Variants in APBA1 observed in about 807,000 individuals in gnomAD.
The protein encoded by APBA1 is amyloid beta precursor protein binding family A member 1.
APBA1 carries 55 observed loss-of-function variants against 86.6 expected under a neutral mutation model. That is an observed-to-expected ratio of 0.64 (90% CI 0.51 to 0.80). The LOEUF is 0.80. APBA1 is among the 30% of genes least tolerant of loss of function. The pLI is 0.00. For missense variants in APBA1, 1,090 were observed against 1,183.0 expected, an observed-to-expected ratio of 0.92 and a Z score of 1.15; for synonymous variants, 511 against 493.9, an observed-to-expected ratio of 1.03 and a Z score of -0.46.
At chr9:69,576,154 T>C (rs1821792519) in intron 1 of APBA1, among the ~76,000 whole-genome samples, 1 of 152,110 alleles carries the variant, frequency 6.6e-6, no homozygotes, top group African/African-American at 2.4e-5. Context: ...AAAACCACAA[T>C]GAGATACCAT....
At chr9:69,607,708 CA>C (rs1176437350) in intron 1 of APBA1, among the ~76,000 whole-genome samples, 1 of 152,230 alleles carries the variant, frequency 6.6e-6, no homozygotes, top group Admixed American at 6.5e-5. Context: ...GGGCAAAAAC[CA>C]GTCCGTTTGG....
intron 1 of APBA1, among the ~76,000 whole-genome samples, chr9:69,537,397 C>T (rs968323527): frequency 6.6e-6 from 1 of 152,060 alleles, no homozygotes; most frequent in African/African-American, 2.4e-5. Context: ...TCAACCATCA[C>T]AGGTGCACAG....
At chr9:69,656,513 A>G (rs1823614181) in intron 1 of APBA1, among the ~76,000 whole-genome samples, 1 of 152,224 alleles carries the variant, frequency 6.6e-6, no homozygotes, top group South Asian at 2.1e-4. Flanking sequence ...AGAACAGGCA[A>G]AACTGCTCTA....
chr9:69,483,506 G>A (rs1487976013), intron 2 of APBA1, among the ~76,000 whole-genome samples: 1 of 152,034 alleles, frequency 6.6e-6, no homozygotes, highest in African/African-American at 2.4e-5. Context: ...AGACAAGGGG[G>A]AGCTTGGTGA....
At position 69,456,283 on chromosome 9, in the gene APBA1, C is replaced by G. The variant is rs765665436; in HGVS notation, c.1752G>C (p.Gln584His). ...CGAAGACGTGGCAGATCATCTTGTA[C>G]TGCCTTTTCCCATCCTGGGATGGGT... ...ASHPSQDGKR[Q>H]YKMICHVFES... The change falls in exon 8 of 13, where the codon CAG (glutamine) becomes CAC (histidine). Residue 584 changes from glutamine to histidine, a missense_variant. Coordinates refer to ENST00000265381, the MANE Select transcript of APBA1 (RefSeq NM_001163.4). The G allele has an allele frequency of 6.2e-7, 1 of 1,614,124 alleles. No individual in the cohort carries two copies. The highest frequency in any genetic ancestry group is 1.3e-5 in the African/African-American group (1 of 74,940).
chr9:69,566,998 C>T (rs921276529), intron 1 of APBA1, among the ~76,000 whole-genome samples: 3 of 152,086 alleles, frequency 2.0e-5, no homozygotes, highest in Admixed American at 6.6e-5. Context: ...AGATGTGCAA[C>T]AAATATTTCT....
At chr9:69,458,127 C>G (rs1588296089) in intron 6 of APBA1, 29 bp downstream of exon 6, 1 of 1,591,138 alleles carries the variant, frequency 6.3e-7, no homozygotes, top group East Asian at 2.3e-5. Context: ...AGGCATAACA[C>G]CAAGCTGATG....
At chr9:69,636,476 T>A (rs1002848712) in intron 1 of APBA1, among the ~76,000 whole-genome samples, 1 of 152,032 alleles carries the variant, frequency 6.6e-6, no homozygotes, top group African/African-American at 2.4e-5. Flanking sequence ...TTCACAATAG[T>A]CAAGATCTGG....
intron 1 of APBA1, among the ~76,000 whole-genome samples, chr9:69,638,934 A>T (rs756400731): frequency 6.6e-6 from 1 of 152,214 alleles, no homozygotes; most frequent in Non-Finnish European, 1.5e-5. Context: ...ATGAAGTCAC[A>T]TGAAAATAAC....
At chr9:69,464,137 C>T (rs979597201) in intron 5 of APBA1, 1 of 152,534 alleles carries the variant, frequency 6.6e-6, no homozygotes, top group Non-Finnish European at 1.5e-5. Flanking sequence ...CCCAGCTTCC[C>T]TTTGCATTGA....
At position 69,456,295 on chromosome 9, in the gene APBA1, A is replaced by T. The variant is rs1415003843; in HGVS notation, c.1740T>A (p.Asp580Glu). 6.2e-7 allele frequency: 1 copy of T among 1,614,144 alleles called. No individual in the cohort carries two copies. The highest frequency in any genetic ancestry group is 1.7e-5 in the Admixed American group (1 of 60,014). Reference sequence around the variant, plus strand: ...AGATCATCTTGTACTGCCTTTTCCCATCCTGGGATGGGTGGGACGCTTCCA... The same window carrying T: ...AGATCATCTTGTACTGCCTTTTCCCTTCCTGGGATGGGTGGGACGCTTCCA... ...ENVEASHPSQ[D>E]GKRQYKMICH... Residue 580 changes from aspartate to glutamate, a missense_variant, in exon 8 of 13, where the codon GAT becomes GAA. Transcript: ENST00000265381.
intron 1 of APBA1, among the ~76,000 whole-genome samples, chr9:69,614,629 C>T (rs937607482): frequency 1.3e-5 from 2 of 152,082 alleles, no homozygotes; most frequent in African/African-American, 4.8e-5. Flanking sequence ...CATTATGATA[C>T]TTTTCTAAAA....
chr9:69,449,502 A>T, intron 10 of APBA1, 82 bp downstream of exon 10: 1 of 1,268,990 alleles, frequency 7.9e-7, no homozygotes, highest in Non-Finnish European at 1.1e-6. Flanking sequence ...ATATGTTCAT[A>T]TACATTAATG....
At chr9:69,493,039 C>G (rs1033815374) in intron 2 of APBA1, among the ~76,000 whole-genome samples, 1 of 152,018 alleles carries the variant, frequency 6.6e-6, no homozygotes, top group African/African-American at 2.4e-5. Context: ...GACTAAGCAG[C>G]CAATATGCTG....
intron 1 of APBA1, among the ~76,000 whole-genome samples, chr9:69,669,358 C>CAACAA (rs891148401): frequency 2.6e-5 from 4 of 151,840 alleles, no homozygotes; most frequent in East Asian, 3.9e-4. Context: ...AACACAATAA[C>CAACAA]AACAAAACAA....
At position 69,562,008 on chromosome 9, in the gene APBA1, TG is replaced by T. The variant is rs376014738; in HGVS notation, c.-69-44730del. ...TTTGATTGCTAGCAGTTTTTTTTGA[TG>T]GGGGGAAGGTGATACATTTTAATTC... is the stretch of plus-strand genomic sequence containing the variant. On this transcript the variant is annotated intron_variant, in intron 1 of 12. Coordinates refer to ENST00000265381, the MANE Select transcript of APBA1 (RefSeq NM_001163.4). Among the ~76,000 whole-genome samples, 52 of 152,220 alleles carry T rather than the reference TG, an allele frequency of 3.4e-4. 1 individual carries two copies. In the East Asian group the frequency reaches 8.1e-3, roughly 24 times the overall value.
chr9:69,670,994 C>T (rs899408091), intron 1 of APBA1, among the ~76,000 whole-genome samples: 2 of 152,126 alleles, frequency 1.3e-5, no homozygotes, highest in Admixed American at 6.5e-5. Flanking sequence ...AACATTTCTC[C>T]GTGTGATATT....
At chr9:69,475,988 G>A in intron 3 of APBA1, 60 bp downstream of exon 3, 1 of 1,361,678 alleles carries the variant, frequency 7.3e-7, no homozygotes, top group South Asian at 1.2e-5. Context: ...AGGAAGCACA[G>A]AACAGTATTA....
rs1294386192 is a variant in APBA1 at position 69,488,285 on chromosome 9, T to C, written c.1201-12142A>G. Among the ~76,000 whole-genome samples, 57 of 152,056 alleles carry C rather than the reference T, an allele frequency of 3.7e-4. 1 individual carries two copies. The highest frequency in any genetic ancestry group is 8.8e-5 in the Non-Finnish European group (6 of 68,006). On this transcript the variant is annotated intron_variant, in intron 2 of 12. Coordinates refer to ENST00000265381, the MANE Select transcript of APBA1 (RefSeq NM_001163.4). ...TTCTGAACATGCTACAAAAGTCACA[T>C]GTGATTTGAAGGTTATTTTGTGTGA...
Sources: allele counts gnomAD v4.1 joint callset (sites outside exome capture counted in the v4.1 genomes callset), GRCh38; gene constraint gnomAD v4.1.1; transcripts MANE v1.5; gene names NCBI Gene and HGNC (gene_info 2026-07-23, HGNC 2026-07-21).